The following FRMD4B variants were observed in gnomAD, a reference collection of about 807,000 sequenced individuals.
FRMD4B encodes the protein FERM domain-containing protein 4B.
In FRMD4B, 74 loss-of-function variants were observed where a neutral mutation model predicts 141.5. That is an observed-to-expected ratio of 0.52 (90% confidence interval 0.43 to 0.63). The LOEUF (loss-of-function observed/expected upper bound fraction) is 0.63. Ranked by LOEUF, FRMD4B falls within the 30% of genes least tolerant of loss-of-function variation. The pLI is 0.00. For missense variants in FRMD4B, 1,366 were observed against 1,253.4 expected, an observed-to-expected ratio of 1.09 and a Z score of -1.36; for synonymous variants, 506 against 467.9, an observed-to-expected ratio of 1.08 and a Z score of -1.05.
chr3:69,221,643 C>A (rs1295151853), intron 9 of FRMD4B, among the ~76,000 whole-genome samples: 1 of 152,152 alleles, frequency 6.6e-6, no homozygotes, highest in African/African-American at 2.4e-5. Flanking sequence ...ATCTGGTCTA[C>A]ATTTCTCATT....
intron 1 of FRMD4B, among the ~76,000 whole-genome samples, chr3:69,534,539 G>A (rs930902684): frequency 6.6e-6 from 1 of 152,308 alleles, no homozygotes; most frequent in African/African-American, 2.4e-5. Context: ...ACTCAGCATG[G>A]TTACCCTATG....
intron 1 of FRMD4B, among the ~76,000 whole-genome samples, chr3:69,347,009 T>A (rs6419766): frequency 0.7 from 106,598 of 152,102 alleles, 38,334 homozygotes; most frequent in African/African-American, 0.86. Context: ...AATGGGCTAA[T>A]TGCTCCAATT....
chr3:69,401,455 A>G (rs997573999), intron 2 of FRMD4B, among the ~76,000 whole-genome samples: 1 of 152,234 alleles, frequency 6.6e-6, no homozygotes, highest in Non-Finnish European at 1.5e-5. Context: ...TAAAAATTCA[A>G]TAAGTAAAAC....
intron 7 of FRMD4B, among the ~76,000 whole-genome samples, chr3:69,235,562 C>T (rs373867216): frequency 2.6e-5 from 4 of 151,248 alleles, no homozygotes; most frequent in African/African-American, 9.7e-5. Context: ...AGGAGGCTGA[C>T]GCAGAAGAAT....
rs368160515 is a variant in FRMD4B at position 69,231,850 on chromosome 3, T to C, written c.582-7160A>G. ...TTATAGAAGGTTAAGCTCGATCGTT[T>C]CCATAGTTTAGGATCAAACGGGATT... On this transcript the variant is annotated intron_variant, in intron 7 of 22. Transcript: ENST00000398540. Among the ~76,000 whole-genome samples the C allele has an allele frequency of 5.0e-3, 769 of 152,318 alleles. 6 individuals are homozygous for C. In the South Asian group the frequency reaches 0.053, roughly 11 times the overall value.
intron 1 of FRMD4B, among the ~76,000 whole-genome samples, chr3:69,346,372 G>A (rs1383445529): frequency 2.6e-5 from 4 of 152,194 alleles, no homozygotes; most frequent in African/African-American, 4.8e-5. Context: ...ACCTGAAAGT[G>A]ACGGGGAGAA....
rs558436008 is a variant in FRMD4B, at chr3:69,425,781, G to C, written c.-1+6853C>G. On this transcript the variant is annotated intron_variant, in intron 2 of 5. Transcript: ENST00000459638. ...ATTATTTTTATCTTTTTTTTCAGAA[G>C]ACTTAAAAGGATTAATTAGTAACTC... Among the ~76,000 whole-genome samples, 239 of 152,060 alleles carry C rather than the reference G, an allele frequency of 1.6e-3. 2 individuals are homozygous for C. The highest frequency in any genetic ancestry group is 3.4e-3 in the Middle Eastern group (1 of 294).
chr3:69,309,780 T>G (rs1372173764), intron 3 of FRMD4B, among the ~76,000 whole-genome samples: 3 of 152,094 alleles, frequency 2.0e-5, no homozygotes, highest in Non-Finnish European at 4.4e-5. Flanking sequence ...ACTCCAATAT[T>G]CATGTTGTTA....
intron 1 of FRMD4B, among the ~76,000 whole-genome samples, chr3:69,330,338 G>T (rs1575736846): frequency 1.3e-3 from 95 of 72,460 alleles, no homozygotes; most frequent in African/African-American, 2.1e-3. Context: ...TGATTCTTTT[G>T]CCTTTTTTTT....
chr3:69,193,657 C>G lies in FRMD4B; in HGVS notation c.1705G>C (p.Val569Leu). The change falls in exon 17 of 23, where the codon GTG becomes CTG. Residue 569 changes from valine to leucine, a missense_variant. By Grantham distance (32) the Val-to-Leu change is conservative (BLOSUM62 1). Transcript: ENST00000398540. ...CGKKPSQKAT[V>L]LPEDIIPSES... ...CTTACTTATTACTAACCTGGTAACA[C>G]TGTTGCTTTCTGGCTGGGTTTCTTT... 1.2e-6 allele frequency: 2 copies of G among 1,604,232 alleles called. No individual in the cohort carries two copies. Among genetic ancestry groups the G allele is most frequent in the Non-Finnish European group, 1.7e-6 (2 of 1,171,958 alleles).
intron 7 of FRMD4B, among the ~76,000 whole-genome samples, chr3:69,245,550 T>C (rs1021003713): frequency 1.3e-5 from 2 of 152,184 alleles, no homozygotes; most frequent in Non-Finnish European, 2.9e-5. Context: ...TTTTGCCATG[T>C]TGGCCAGGCT....
At chr3:69,176,032 G>A (rs1016915036) in intron 22 of FRMD4B, among the ~76,000 whole-genome samples, 33 of 151,936 alleles carry the variant, frequency 2.2e-4, no homozygotes, top group East Asian at 5.8e-4. Flanking sequence ...CGCCCGCCTC[G>A]GCCTCCCAAA....
chr3:69,218,458 C>A (rs775150524), intron 9 of FRMD4B, 79 bp from the exon 10 acceptor site: 1 of 653,324 alleles, frequency 1.5e-6, no homozygotes, highest in Non-Finnish European at 2.7e-6. Flanking sequence ...TAAAGAAACA[C>A]CACGTTTCTA....
chr3:69,270,727 G>A (rs1376860361), intron 5 of FRMD4B, among the ~76,000 whole-genome samples: 1 of 151,726 alleles, frequency 6.6e-6, no homozygotes, highest in Admixed American at 6.6e-5. Context: ...CATCATGCCC[G>A]GCTAATTTTT....
chr3:69,203,518 G>T (rs896141624), intron 11 of FRMD4B, among the ~76,000 whole-genome samples: 1 of 151,120 alleles, frequency 6.6e-6, no homozygotes, highest in African/African-American at 2.4e-5. Flanking sequence ...TTGTCAGCAA[G>T]TAATGGACAG....
chr3:69,450,881 T>C (rs1705486303), intron 1 of FRMD4B, among the ~76,000 whole-genome samples: 1 of 152,214 alleles, frequency 6.6e-6, no homozygotes, highest in African/African-American at 2.4e-5. Context: ...CTGATGGCCT[T>C]CCCACTAAAC....
intron 8 of FRMD4B, 58 bp downstream of exon 8, chr3:69,224,549 A>G (rs2093231322): frequency 3.8e-6 from 3 of 781,072 alleles, no homozygotes; most frequent in Admixed American, 2.1e-5. Context: ...CCTGAAAAGC[A>G]TGTAGTTCTG....
chr3:69,531,524 C>T (rs1176549922), intron 1 of FRMD4B, among the ~76,000 whole-genome samples: 2 of 152,156 alleles, frequency 1.3e-5, no homozygotes, highest in African/African-American at 4.8e-5. Flanking sequence ...ATCACTTATT[C>T]CTTGACAACA....
chr3:69,480,487 G>T (rs1193814635), intron 1 of FRMD4B, among the ~76,000 whole-genome samples: 1 of 152,200 alleles, frequency 6.6e-6, no homozygotes, highest in Non-Finnish European at 1.5e-5. Flanking sequence ...GACGCTGTTT[G>T]CCTGGGTATC....
Sources: allele counts gnomAD v4.1 joint callset (sites outside exome capture counted in the v4.1 genomes callset), GRCh38; gene constraint gnomAD v4.1.1; transcripts MANE v1.5; gene names NCBI Gene and HGNC (gene_info 2026-07-23, HGNC 2026-07-21).